ZMYND11: variants seen among roughly 807,000 people sequenced by gnomAD.
ZMYND11 encodes the protein zinc finger MYND domain-containing protein 11.
ZMYND11 carries 9 observed loss-of-function variants against 84.9 expected under a neutral mutation model. The observed-to-expected ratio is 0.11, with a 90% CI of 0.06 to 0.18. The LOEUF (loss-of-function observed/expected upper bound fraction) is 0.18. Among genes scored for constraint, ZMYND11 ranks in the 10% least tolerant of loss-of-function variants. The pLI is 1.00. For synonymous variants in ZMYND11, 250 were observed against 244.1 expected (o/e 1.02, Z -0.23); for missense variants, 409 against 761.0 (o/e 0.54, Z 5.44).
At chr10:155,941 G>C (rs1841612638) in intron 1 of ZMYND11, among the ~76,000 whole-genome samples, 1 of 152,170 alleles carries the variant, frequency 6.6e-6, no homozygotes, top group African/African-American at 2.4e-5. Context: ...CAGTTACTGG[G>C]CCATTGAGTG....
intron 1 of ZMYND11, among the ~76,000 whole-genome samples, chr10:177,362 G>A (rs1439903506): frequency 1.3e-5 from 2 of 152,046 alleles, no homozygotes; most frequent in Non-Finnish European, 2.9e-5. Context: ...TATAACTAAT[G>A]ATCATCCTCC....
At chr10:197,716 C>T (rs1229981161) in intron 2 of ZMYND11, among the ~76,000 whole-genome samples, 2 of 152,148 alleles carry the variant, frequency 1.3e-5, no homozygotes, top group African/African-American at 4.8e-5. Flanking sequence ...GTCTAAGTTG[C>T]AAAGCTCGTG....
At chr10:184,010 G>C (rs1034526763) in intron 2 of ZMYND11, among the ~76,000 whole-genome samples, 1 of 152,198 alleles carries the variant, frequency 6.6e-6, no homozygotes, top group African/African-American at 2.4e-5. Flanking sequence ...TTTGGACAGA[G>C]TTATGAAATG....
At chr10:151,987 A>T (rs1286533061) in intron 1 of ZMYND11, among the ~76,000 whole-genome samples, 1 of 152,246 alleles carries the variant, frequency 6.6e-6, no homozygotes, top group Admixed American at 6.5e-5. Context: ...TGAAGAAGAA[A>T]TAAAATCCTT....
chr10:158,145 T>G (rs2131427610), intron 1 of ZMYND11, among the ~76,000 whole-genome samples: 1 of 152,352 alleles, frequency 6.6e-6, no homozygotes, highest in Non-Finnish European at 1.5e-5. Flanking sequence ...TTTGGGTTTT[T>G]TCCACTTTTA....
chr10:243,244 A>G (rs1353451988), intron 10 of ZMYND11, among the ~76,000 whole-genome samples: 1 of 152,212 alleles, frequency 6.6e-6, no homozygotes, highest in Non-Finnish European at 1.5e-5. Flanking sequence ...GAGAGACCTG[A>G]GCATAGTACC....
At chr10:224,714 A>G (rs979376712) in intron 4 of ZMYND11, among the ~76,000 whole-genome samples, 1 of 152,080 alleles carries the variant, frequency 6.6e-6, no homozygotes, top group Non-Finnish European at 1.5e-5. Flanking sequence ...GTGTGTATGT[A>G]CTCGACAGTA....
chr10:247,877 A>G (rs1416159119), intron 12 of ZMYND11, among the ~76,000 whole-genome samples: 2 of 151,302 alleles, frequency 1.3e-5, no homozygotes, highest in East Asian at 1.9e-4. Context: ...TTTAAGTGAT[A>G]TAAGCCCTGC....
intron 10 of ZMYND11, among the ~76,000 whole-genome samples, chr10:246,523 CAAAT>C (rs1168313515): frequency 2.0e-5 from 3 of 152,138 alleles, no homozygotes; most frequent in Non-Finnish European, 2.9e-5. Flanking sequence ...AAAGACAAAA[CAAAT>C]CTCATTTATT....
intron 1 of ZMYND11, among the ~76,000 whole-genome samples, chr10:170,369 C>G (rs1453900201): frequency 6.6e-6 from 1 of 151,734 alleles, no homozygotes; most frequent in African/African-American, 2.4e-5. Context: ...AAAATTTTTT[C>G]TTCCTACTAA....
intron 1 of ZMYND11, among the ~76,000 whole-genome samples, chr10:146,330 A>G (rs1838824290): frequency 6.6e-6 from 1 of 152,178 alleles, no homozygotes. Context: ...GTTCTTTTGC[A>G]TAGGATTGCT....
At chr10:240,162 T>A in intron 8 of ZMYND11, 51 bp downstream of exon 8, 8 of 1,381,400 alleles carry the variant, frequency 5.8e-6, no homozygotes, top group Non-Finnish European at 7.0e-6. Flanking sequence ...GAAATTAATT[T>A]ATTTCAGGAT....
chr10:131,039 C>T (rs905039905), upstream of ZMYND11, among the ~76,000 whole-genome samples: 3 of 152,192 alleles, frequency 2.0e-5, no homozygotes, highest in African/African-American at 7.2e-5. Context: ...ATCGCTTGAG[C>T]CCAGGAGTGG....
chr10:183,751 A>C (rs1421431736), intron 2 of ZMYND11, among the ~76,000 whole-genome samples: 1 of 152,224 alleles, frequency 6.6e-6, no homozygotes, highest in Non-Finnish European at 1.5e-5. Flanking sequence ...CATATATTTC[A>C]GTCCATTTTC....
chr10:245,932 T>G (rs897024948), intron 10 of ZMYND11, among the ~76,000 whole-genome samples: 15 of 152,170 alleles, frequency 9.9e-5, no homozygotes, highest in Admixed American at 7.9e-4. Context: ...CTCTTGCCGC[T>G]GTCAAATGAG....
intron 2 of ZMYND11, among the ~76,000 whole-genome samples, chr10:198,936 A>G (rs980829275): frequency 6.6e-6 from 1 of 152,206 alleles, no homozygotes; most frequent in Non-Finnish European, 1.5e-5. Flanking sequence ...GTGTATGCAC[A>G]CCAAGCTCTT....
chr10:156,041 A>G (rs1841638313), intron 1 of ZMYND11, among the ~76,000 whole-genome samples: 1 of 152,216 alleles, frequency 6.6e-6, no homozygotes, highest in South Asian at 2.1e-4. Flanking sequence ...GGGATTTTTC[A>G]AGTGTGATGG....
intron 1 of ZMYND11, among the ~76,000 whole-genome samples, chr10:158,863 G>A (rs1842295406): frequency 6.6e-6 from 1 of 151,708 alleles, no homozygotes; most frequent in East Asian, 1.9e-4. Context: ...ATCTTTTTTG[G>A]AGAAACATCT....
chr10:235,309 ATCC>A (rs1483354807), intron 4 of ZMYND11, among the ~76,000 whole-genome samples: 3 of 152,040 alleles, frequency 2.0e-5, no homozygotes, highest in Admixed American at 2.0e-4. Flanking sequence ...AGTTCTTCAT[ATCC>A]TCCTTCATGT....
Sources: allele counts gnomAD v4.1 joint callset (sites outside exome capture counted in the v4.1 genomes callset), GRCh38; gene constraint gnomAD v4.1.1; transcripts MANE v1.5; gene names NCBI Gene and HGNC (gene_info 2026-07-23, HGNC 2026-07-21).